TRPM3: variants seen among roughly 807,000 people sequenced by gnomAD.
TRPM3 encodes long transient receptor potential channel 3.
TRPM3 carries 77 observed loss-of-function variants against 181.2 expected under a neutral mutation model. That is an observed-to-expected ratio of 0.42 (90% confidence interval 0.35 to 0.51). The LOEUF (loss-of-function observed/expected upper bound fraction) is 0.51. Ranked by LOEUF, TRPM3 falls within the 20% of genes least tolerant of loss-of-function variation. The pLI, the probability that TRPM3 is intolerant of heterozygous loss-of-function variation, is 0.01. For synonymous variants in TRPM3, 745 were observed against 796.4 expected (o/e 0.94, Z 1.09); for missense variants, 1,759 against 2,196.7 (o/e 0.80, Z 3.98).
At chr9:70,545,548 CTTTTT>C (rs5898150) in intron 25 of TRPM3, among the ~76,000 whole-genome samples, 10 of 113,340 alleles carry the variant, frequency 8.8e-5, no homozygotes, top group Admixed American at 2.1e-4. Flanking sequence ...AATTTTCTTT[CTTTTT>C]TTTTTTTTTT....
chr9:71,195,130 A>C (rs1028139970), intron 1 of TRPM3, among the ~76,000 whole-genome samples: 2 of 152,104 alleles, frequency 1.3e-5, no homozygotes, highest in African/African-American at 2.4e-5. Flanking sequence ...AGCAAGATCA[A>C]TTGCAGCAAA....
chr9:71,263,709 C>T (rs1588185308), intron 1 of TRPM3, among the ~76,000 whole-genome samples: 1 of 151,932 alleles, frequency 6.6e-6, no homozygotes, highest in African/African-American at 2.4e-5. Flanking sequence ...TGAATATGTA[C>T]AAGGGCCTTG....
intron 1 of TRPM3, among the ~76,000 whole-genome samples, chr9:71,428,604 A>G (rs2093909450): frequency 6.6e-6 from 1 of 152,188 alleles, no homozygotes; most frequent in East Asian, 1.9e-4. Flanking sequence ...TGTTTATATC[A>G]TTGATGAATC....
At chr9:71,102,268 G>GA (rs1591428553) in intron 1 of TRPM3, among the ~76,000 whole-genome samples, 1 of 152,230 alleles carries the variant, frequency 6.6e-6, no homozygotes, top group East Asian at 1.9e-4. Flanking sequence ...AGCTCCACTT[G>GA]GGATTTCTAA....
At chr9:70,637,065 G>A (rs1358014955) in intron 11 of TRPM3, among the ~76,000 whole-genome samples, 11 of 152,106 alleles carry the variant, frequency 7.2e-5, no homozygotes, top group Non-Finnish European at 2.9e-5. Context: ...TCATGTGGAC[G>A]TGCCCATCAG....
chr9:70,956,932 A>T (rs933795540), intron 1 of TRPM3, among the ~76,000 whole-genome samples: 2 of 150,036 alleles, frequency 1.3e-5, no homozygotes, highest in African/African-American at 2.5e-5. Flanking sequence ...TTTAAAAAAA[A>T]TTTTAATTTT....
chr9:70,980,067 G>GCACACACACACACACACACACA (rs10527749), intron 1 of TRPM3, among the ~76,000 whole-genome samples: 13,384 of 137,712 alleles, frequency 0.097, 920 homozygotes, highest in Non-Finnish European at 0.11. Context: ...GCATGTGCGT[G>GCACACACACACACACACACACA]CACACACACA....
chr9:71,203,875 C>T (rs1460578344), intron 1 of TRPM3, among the ~76,000 whole-genome samples: 1 of 152,088 alleles, frequency 6.6e-6, no homozygotes, highest in Non-Finnish European at 1.5e-5. Flanking sequence ...TCTTTCAATT[C>T]AGTGCCACAT....
chr9:71,082,240 G>C (rs554694650), intron 1 of TRPM3, among the ~76,000 whole-genome samples: 2 of 152,156 alleles, frequency 1.3e-5, no homozygotes, highest in Non-Finnish European at 2.9e-5. Context: ...CAATTTGTTT[G>C]CTTTAGATTT....
intron 1 of TRPM3, among the ~76,000 whole-genome samples, chr9:71,185,382 A>ATATCTTTAT (rs1354119211): frequency 1.3e-5 from 2 of 152,144 alleles, no homozygotes; most frequent in African/African-American, 4.8e-5. Context: ...AATTCTACAA[A>ATATCTTTAT]TATCTTTATT....
In TRPM3 at chr9:70,817,008, G is replaced by A. The variant is rs149806333; in HGVS notation, c.973+10839C>T. 5.2e-3 allele frequency among the ~76,000 whole-genome samples: 799 copies of A among 152,264 alleles called. 4 individuals carry two copies. The highest frequency in any genetic ancestry group is 0.018 in the African/African-American group (740 of 41,530). On this transcript the variant is annotated intron_variant, in intron 6 of 25. Transcript: ENST00000677713. ...ATGAGTGAGGTTCTTCAATGAGCAC[G>A]TTAGAATACACAGACATATCTTATT...
At chr9:70,945,834 G>T (rs917202219) in intron 1 of TRPM3, among the ~76,000 whole-genome samples, 2 of 152,128 alleles carry the variant, frequency 1.3e-5, no homozygotes, top group African/African-American at 4.8e-5. Flanking sequence ...GCCCCAAGTT[G>T]TAAGAACTGG....
At position 71,360,236 on chromosome 9, in the gene TRPM3, C is replaced by G. The variant is rs193268209; in HGVS notation, c.183+86417G>C. 5.9e-5 allele frequency among the ~76,000 whole-genome samples: 9 copies of G among 152,258 alleles called. No homozygotes were observed. In the East Asian group the frequency reaches 1.2e-3, roughly 20 times the overall value. On this transcript the variant is annotated intron_variant, in intron 1 of 24. Transcript: ENST00000357533. ...TAGTAGCCAATGTCCTAGCCCAAGACTCAGGAGTCAGGAGTCCAGTTCTAA... is the reference window on the plus strand; with the variant it reads ...TAGTAGCCAATGTCCTAGCCCAAGAGTCAGGAGTCAGGAGTCCAGTTCTAA...
intron 1 of TRPM3, among the ~76,000 whole-genome samples, chr9:70,947,564 C>T (rs1225362814): frequency 6.6e-6 from 1 of 152,150 alleles, no homozygotes; most frequent in Non-Finnish European, 1.5e-5. Flanking sequence ...CACTTTTGCT[C>T]TTCCTTTTGT....
chr9:70,687,815 G>T (rs2067371084), intron 8 of TRPM3, among the ~76,000 whole-genome samples: 1 of 152,186 alleles, frequency 6.6e-6, no homozygotes, highest in Non-Finnish European at 1.5e-5. Context: ...CTTGCATGTA[G>T]TTGATTTGTT....
intron 1 of TRPM3, among the ~76,000 whole-genome samples, chr9:71,383,546 C>T (rs1421341866): frequency 6.6e-6 from 1 of 152,108 alleles, no homozygotes; most frequent in African/African-American, 2.4e-5. Flanking sequence ...GGCAACAGCC[C>T]CTGTCAGGTG....
chr9:71,290,999 A>G (rs1425426510), intron 1 of TRPM3, among the ~76,000 whole-genome samples: 1 of 152,154 alleles, frequency 6.6e-6, no homozygotes, highest in Admixed American at 6.5e-5. Flanking sequence ...CTCTAAAAAC[A>G]CAGATGATAT....
At chr9:71,302,585 A>T (rs369409658) in intron 1 of TRPM3, among the ~76,000 whole-genome samples, 1 of 152,292 alleles carries the variant, frequency 6.6e-6, no homozygotes, top group East Asian at 1.9e-4. Context: ...CAGCAAATAC[A>T]ATTATACTCT....
At chr9:70,956,808 C>A (rs2097078035) in intron 1 of TRPM3, among the ~76,000 whole-genome samples, 1 of 151,768 alleles carries the variant, frequency 6.6e-6, no homozygotes, top group Non-Finnish European at 1.5e-5. Flanking sequence ...ATCACTTGAG[C>A]CCAGGAGATC....
Sources: allele counts gnomAD v4.1 joint callset (sites outside exome capture counted in the v4.1 genomes callset), GRCh38; gene constraint gnomAD v4.1.1; transcripts MANE v1.5; gene names NCBI Gene and HGNC (gene_info 2026-07-23, HGNC 2026-07-21).